The following FGGY variants were observed in gnomAD, a reference collection of about 807,000 sequenced individuals.
FGGY encodes FGGY carbohydrate kinase domain containing, also known as FGGY carbohydrate kinase domain-containing protein.
A neutral mutation model predicts 71.3 loss-of-function variants in FGGY; 72 were observed. The ratio of observed to expected loss-of-function variants is 1.01; its 90% CI spans 0.84 to 1.23. The LOEUF (loss-of-function observed/expected upper bound fraction) is 1.23, where lower values mean the gene tolerates loss of function less well. Ranked by LOEUF, FGGY falls within the 50% of genes most tolerant of loss-of-function variation. FGGY has a pLI of 0.00. For synonymous variants in FGGY, 251 were observed against 250.3 expected (o/e 1.00, Z -0.02); for missense variants, 668 against 682.3 (o/e 0.98, Z 0.23).
At chr1:59,465,811 C>T (rs1005318175) in intron 6 of FGGY, among the ~76,000 whole-genome samples, 1 of 152,098 alleles carries the variant, frequency 6.6e-6, no homozygotes, top group Non-Finnish European at 1.5e-5. Context: ...ATGTGAAGTA[C>T]CTCTTCAAGG....
intron 5 of FGGY, among the ~76,000 whole-genome samples, chr1:59,434,327 G>T (rs78047661): frequency 0.012 from 1,790 of 152,320 alleles, 33 homozygotes; most frequent in African/African-American, 0.04. Context: ...TTGTACCAGT[G>T]GGGGCTGGAG....
intron 11 of FGGY, among the ~76,000 whole-genome samples, chr1:59,653,701 A>T (rs936272849): frequency 6.6e-6 from 1 of 152,200 alleles, no homozygotes; most frequent in Non-Finnish European, 1.5e-5. Context: ...AAATGCGGAA[A>T]TCACCCGTCT....
intron 5 of FGGY, among the ~76,000 whole-genome samples, chr1:59,403,418 T>C (rs182850294): frequency 1.3e-5 from 2 of 152,248 alleles, no homozygotes; most frequent in Non-Finnish European, 2.9e-5. Flanking sequence ...AGCAGACTCC[T>C]CCAGACGATT....
At chr1:59,524,773 C>A (rs2094931629) in intron 7 of FGGY, among the ~76,000 whole-genome samples, 1 of 152,216 alleles carries the variant, frequency 6.6e-6, no homozygotes, top group Non-Finnish European at 1.5e-5. Flanking sequence ...GCTATTCTGT[C>A]ACTCAATGAA....
At chr1:59,340,704 A>T (rs146813408) in intron 3 of FGGY, among the ~76,000 whole-genome samples, 189 of 152,330 alleles carry the variant, frequency 1.2e-3, no homozygotes, top group African/African-American at 4.4e-3. Context: ...AATTTTAGCC[A>T]ATAACGTTTG....
At chr1:59,436,209 A>T (rs904397243) in intron 5 of FGGY, among the ~76,000 whole-genome samples, 1 of 151,872 alleles carries the variant, frequency 6.6e-6, no homozygotes, top group African/African-American at 2.4e-5. Flanking sequence ...CACTGACTTC[A>T]CCGTCCCTCA....
intron 2 of FGGY, among the ~76,000 whole-genome samples, chr1:59,329,720 A>G (rs1451894561): frequency 6.6e-6 from 1 of 152,236 alleles, no homozygotes; most frequent in Non-Finnish European, 1.5e-5. Context: ...TTCCACCAGC[A>G]TATCTAACTC....
intron 7 of FGGY, among the ~76,000 whole-genome samples, chr1:59,545,939 T>G (rs933035969): frequency 6.6e-6 from 1 of 152,248 alleles, no homozygotes; most frequent in Non-Finnish European, 1.5e-5. Context: ...CTCATTTTCC[T>G]TATTCCTTTG....
chr1:59,496,014 G>T (rs1198577279), intron 6 of FGGY, among the ~76,000 whole-genome samples: 2 of 152,106 alleles, frequency 1.3e-5, no homozygotes, highest in Non-Finnish European at 2.9e-5. Flanking sequence ...TTCTAGTTCT[G>T]TGAAAAATGT....
At chr1:59,443,320 C>T (rs1049874461) in intron 5 of FGGY, among the ~76,000 whole-genome samples, 21 of 152,202 alleles carry the variant, frequency 1.4e-4, no homozygotes, top group Middle Eastern at 3.4e-3. Flanking sequence ...ATGCACTAGG[C>T]CAATTGGCAG....
chr1:59,379,790 A>G (rs1026239746), intron 5 of FGGY, among the ~76,000 whole-genome samples: 6 of 151,972 alleles, frequency 3.9e-5, no homozygotes, highest in African/African-American at 1.2e-4. Context: ...TTCTTATTCA[A>G]TATGCTTTTT....
Position 59,580,283 on chromosome 1 carries a change from A to C in FGGY, c.903+26056A>C, listed in dbSNP as rs75747991. Among the ~76,000 whole-genome samples, 752 of 152,250 alleles carry C rather than the reference A, an allele frequency of 4.9e-3. 9 individuals are homozygous for C. Among genetic ancestry groups the C allele is most frequent in the African/African-American group, 0.017 (713 of 41,534 alleles). ...CCCCAGCCCCTTCAAAGTGCCTTGC[A>C]TGTAATAGACTCTCACAAATAGTTC... On this transcript the variant is annotated intron_variant, in intron 8 of 15. Transcript: ENST00000303721.
At chr1:59,367,174 A>G (rs910694637) in intron 4 of FGGY, among the ~76,000 whole-genome samples, 5 of 152,244 alleles carry the variant, frequency 3.3e-5, no homozygotes, top group African/African-American at 1.2e-4. Flanking sequence ...CTCTCAGCTT[A>G]TCTGCCTATC....
intron 5 of FGGY, among the ~76,000 whole-genome samples, chr1:59,437,055 T>C (rs2068627835): frequency 6.6e-6 from 1 of 152,188 alleles, no homozygotes; most frequent in African/African-American, 2.4e-5. Flanking sequence ...GACCCTAGGA[T>C]GTCATCCTGG....
At chr1:59,565,472 G>C (rs1310370234) in intron 8 of FGGY, among the ~76,000 whole-genome samples, 1 of 152,156 alleles carries the variant, frequency 6.6e-6, no homozygotes, top group East Asian at 1.9e-4. Flanking sequence ...TTTTAGTAGA[G>C]ACGGGGTTTC....
chr1:59,611,988 A>G (rs2096687013), intron 9 of FGGY, among the ~76,000 whole-genome samples: 1 of 152,206 alleles, frequency 6.6e-6, no homozygotes, highest in Non-Finnish European at 1.5e-5. Flanking sequence ...TCCAAGAAAT[A>G]TGGGACTATG....
At chr1:59,408,258 C>T (rs1331417678) in intron 5 of FGGY, among the ~76,000 whole-genome samples, 8 of 152,156 alleles carry the variant, frequency 5.3e-5, no homozygotes, top group Admixed American at 5.2e-4. Context: ...AGTAAGTTCT[C>T]TCTTTCTCCT....
intron 8 of FGGY, among the ~76,000 whole-genome samples, chr1:59,569,696 G>C (rs1272082572): frequency 6.6e-6 from 1 of 152,180 alleles, no homozygotes. Flanking sequence ...AAGTTTTTGT[G>C]ACCGTAAGAG....
At chr1:59,620,641 GT>G in intron 9 of FGGY, among the ~76,000 whole-genome samples, 1 of 151,902 alleles carries the variant, frequency 6.6e-6, no homozygotes, top group South Asian at 2.1e-4. Context: ...TCAATTTTAA[GT>G]TATCTATTGG....
Sources: gnomAD v4.1 joint callset for allele counts (sites outside exome capture counted in the v4.1 genomes callset) on GRCh38, gnomAD v4.1.1 for gene constraint, MANE v1.5 for transcripts, NCBI Gene and HGNC (gene_info 2026-07-23, HGNC 2026-07-21) for gene names.